OPHN1: variants seen among roughly 807,000 people sequenced by gnomAD.
OPHN1 encodes oligophrenin 1.
Under a neutral mutation model 60.7 loss-of-function variants are expected in OPHN1, and 11 were observed. That is an observed-to-expected ratio of 0.18 (90% confidence interval 0.11 to 0.30). OPHN1 has a LOEUF of 0.30. Among genes scored for constraint, OPHN1 ranks in the 10% least tolerant of loss-of-function variants. OPHN1 has a pLI of 1.00. For missense variants in OPHN1, 449 were observed against 611.0 expected (o/e 0.73, Z 2.80); for synonymous variants, 226 against 222.6 (o/e 1.02, Z -0.14).
chrX:68,276,164 C>A (rs771263681), intron 4 of OPHN1, among the ~76,000 whole-genome samples: 6 of 111,745 alleles, frequency 5.4e-5, no homozygotes, highest in Non-Finnish European at 1.1e-4. Context: ...GAAACCCTTC[C>A]CAAAGTTTGC....
rs747095839 is a variant in OPHN1, at chrX:68,367,055, G to A, written c.154+65812C>T. Among the ~76,000 whole-genome samples, 67 of 110,916 alleles carry A rather than the reference G, an allele frequency of 6.0e-4. 1 individual carries two copies. Among genetic ancestry groups the A allele is most frequent in the Non-Finnish European group, 1.0e-3 (53 of 52,985 alleles). On this transcript the variant is annotated intron_variant, in intron 2 of 24. Coordinates refer to ENST00000355520, the MANE Select transcript of OPHN1 (RefSeq NM_002547.3). ...AGCTCCAAGCTCTTGTTCTCCCACA[G>A]AAACATCAAAAACACATGCAGAGGC...
chrX:68,403,855 T>C (rs1444424990), intron 2 of OPHN1, among the ~76,000 whole-genome samples: 2 of 108,394 alleles, frequency 1.8e-5, no homozygotes, highest in African/African-American at 6.7e-5. Flanking sequence ...AAGGAAACAG[T>C]TGTACCATCT....
chrX:68,107,940 T>C (rs1171402171), intron 18 of OPHN1, among the ~76,000 whole-genome samples: 2 of 112,209 alleles, frequency 1.8e-5, no homozygotes, highest in African/African-American at 6.5e-5. Context: ...TCTTGCCCAA[T>C]AGTTTTGATT....
intron 18 of OPHN1, among the ~76,000 whole-genome samples, chrX:68,104,509 C>T (rs528846549): frequency 9.0e-6 from 1 of 111,326 alleles, no homozygotes. Flanking sequence ...GAAATAACAC[C>T]ACACATCTAC....
chrX:68,132,739 CAAAAAA>C (rs60182364), intron 15 of OPHN1: 13 of 91,240 alleles, frequency 1.4e-4, no homozygotes, highest in Admixed American at 4.1e-4. Flanking sequence ...TACTAAGTGT[CAAAAAA>C]AAAAAAAAAA....
chrX:68,051,695 TA>T (rs976828828), intron 23 of OPHN1, among the ~76,000 whole-genome samples: 89 of 103,567 alleles, frequency 8.6e-4, no homozygotes, highest in Middle Eastern at 9.9e-3. Flanking sequence ...AAAAGTAAAC[TA>T]AAAAAAAAAA....
At chrX:68,168,924 G>A (rs1013985943) in intron 15 of OPHN1, among the ~76,000 whole-genome samples, 1 of 111,251 alleles carries the variant, frequency 9.0e-6, no homozygotes, top group Admixed American at 9.6e-5. Flanking sequence ...TAAATTCCTC[G>A]ACACATACAC....
chrX:68,382,342 G>T, intron 2 of OPHN1, among the ~76,000 whole-genome samples: 1 of 109,929 alleles, frequency 9.1e-6, no homozygotes, highest in Non-Finnish European at 1.9e-5. Flanking sequence ...GTGAGACTCT[G>T]TCTTAAAAAA....
intron 2 of OPHN1, among the ~76,000 whole-genome samples, chrX:68,311,939 T>C (rs2078175510): frequency 9.0e-6 from 1 of 110,912 alleles, no homozygotes; most frequent in South Asian, 3.8e-4. Flanking sequence ...CACATGAAAA[T>C]TTCTCCAGGA....
In OPHN1 at chrX:68,422,720, A is replaced by AAAGG. The variant is rs373179402; in HGVS notation, c.154+10143_154+10146dup. On this transcript the variant is annotated intron_variant, in intron 2 of 24. Transcript: ENST00000355520. ...AGGAAAGAGAGAGAGAGAAAGAAAG[A>AAAGG]AAGGAAGGAAGGAAGGAAGGAAGGA... 2.8e-3 allele frequency among the ~76,000 whole-genome samples: 245 copies of AAAGG among 87,820 alleles called. 4 individuals are homozygous for AAAGG. Among genetic ancestry groups the AAAGG allele is most frequent in the African/African-American group, 8.7e-3 (200 of 22,926 alleles). The allele number at this position is 87,820 out of a possible 115,157, so 76.3% of individuals were successfully genotyped here. A position where few individuals can be genotyped will look rare whatever the true frequency, so the allele number is the denominator to read the frequency against.
intron 19 of OPHN1, among the ~76,000 whole-genome samples, chrX:68,087,309 C>T (rs1010161671): frequency 1.8e-5 from 2 of 112,097 alleles, no homozygotes; most frequent in Non-Finnish European, 3.8e-5. Context: ...TGGGCCTTGG[C>T]TGTTGTTTTG....
chrX:68,071,891 G>C (rs902800865), intron 20 of OPHN1: 16 of 290,345 alleles, frequency 5.5e-5, no homozygotes, highest in Non-Finnish European at 9.2e-5. Context: ...GGCTGCCGGG[G>C]AGAATGAATT....
intron 2 of OPHN1, among the ~76,000 whole-genome samples, chrX:68,392,531 T>C (rs1331485803): frequency 9.2e-6 from 1 of 108,294 alleles, no homozygotes; most frequent in African/African-American, 3.4e-5. Flanking sequence ...TGGAAGAGAG[T>C]GGTTCCCCAG....
intron 21 of OPHN1, among the ~76,000 whole-genome samples, chrX:68,063,469 C>T (rs1471354512): frequency 9.3e-6 from 1 of 107,210 alleles, no homozygotes; most frequent in Admixed American, 1.0e-4. Flanking sequence ...TGCAGTGAGC[C>T]GAGATCACGT....
chrX:68,349,999 G>A (rs1468615137), intron 2 of OPHN1, among the ~76,000 whole-genome samples: 1 of 110,980 alleles, frequency 9.0e-6, no homozygotes, highest in East Asian at 2.8e-4. Context: ...CATGGCATGC[G>A]TATACCTATG....
intron 2 of OPHN1, among the ~76,000 whole-genome samples, chrX:68,347,586 G>A (rs1034129369): frequency 9.0e-6 from 1 of 111,221 alleles, no homozygotes; most frequent in East Asian, 2.8e-4. Flanking sequence ...CCAAAAAGGT[G>A]GAATTACAGG....
At chrX:68,155,707 T>G (rs1370094956) in intron 15 of OPHN1, among the ~76,000 whole-genome samples, 1 of 111,750 alleles carries the variant, frequency 8.9e-6, no homozygotes, top group Non-Finnish European at 1.9e-5. Flanking sequence ...CACCACCACA[T>G]GTTGGACATA....
chrX:68,071,797 G>C (rs916544849), intron 20 of OPHN1: 7 of 408,678 alleles, frequency 1.7e-5, no homozygotes, highest in Non-Finnish European at 2.2e-5. Context: ...CGATGATTCA[G>C]ACAGTAAGGG....
At chrX:68,399,603 G>A (rs1427031023) in intron 2 of OPHN1, among the ~76,000 whole-genome samples, 1 of 111,467 alleles carries the variant, frequency 9.0e-6, no homozygotes, top group African/African-American at 3.3e-5. Flanking sequence ...AGGAGGTAGA[G>A]GTTGCAGTGA....
Sources: allele counts gnomAD v4.1 joint callset (sites outside exome capture counted in the v4.1 genomes callset), GRCh38; gene constraint gnomAD v4.1.1; transcripts MANE v1.5; gene names NCBI Gene and HGNC (gene_info 2026-07-23, HGNC 2026-07-21).